The following HUNK variants were observed in gnomAD, a reference collection of about 807,000 sequenced individuals.
HUNK encodes hormonally up-regulated Neu-associated kinase, also known as hormonally up-regulated neu tumor-associated kinase.
A neutral mutation model predicts 61.0 loss-of-function variants in HUNK; 21 were observed. That is an observed-to-expected ratio of 0.34 (90% CI 0.24 to 0.50). The LOEUF is 0.50. Ranked by LOEUF, HUNK falls within the 20% of genes least tolerant of loss-of-function variation. HUNK has a pLI of 0.98. For missense variants in HUNK, 772 were observed against 945.7 expected, an observed-to-expected ratio of 0.82 and a Z score of 2.41; for synonymous variants, 371 against 386.1, an observed-to-expected ratio of 0.96 and a Z score of 0.46.
At chr21:31,875,826 C>T (rs781293757) in intron 1 of HUNK, among the ~76,000 whole-genome samples, 4 of 152,228 alleles carry the variant, frequency 2.6e-5, no homozygotes, top group Non-Finnish European at 5.9e-5. Context: ...ACATTCTTCT[C>T]GCCTGCCCTG....
intron 1 of HUNK, among the ~76,000 whole-genome samples, chr21:31,889,559 A>G (rs2052371901): frequency 6.6e-6 from 1 of 152,216 alleles, no homozygotes; most frequent in African/African-American, 2.4e-5. Context: ...ATTTAATAAT[A>G]CTAATAAAGA....
chr21:31,971,965 C>T (rs2053014779), intron 6 of HUNK, among the ~76,000 whole-genome samples: 1 of 151,914 alleles, frequency 6.6e-6, no homozygotes, highest in Non-Finnish European at 1.5e-5. Context: ...AGTAGAGGGA[C>T]TACAGGCATG....
At chr21:31,935,015 T>A (rs1403477574) in intron 2 of HUNK, among the ~76,000 whole-genome samples, 2 of 152,176 alleles carry the variant, frequency 1.3e-5, no homozygotes, top group African/African-American at 4.8e-5. Flanking sequence ...CAGTTGTCTC[T>A]CAATTTTTCT....
At chr21:31,989,307 C>G (rs1031973555) in intron 8 of HUNK, among the ~76,000 whole-genome samples, 3 of 152,162 alleles carry the variant, frequency 2.0e-5, no homozygotes, top group African/African-American at 7.2e-5. Context: ...AGGGATGAAA[C>G]ATTTAAAGGC....
At chr21:31,874,232 C>CG (rs1181371461) in intron 1 of HUNK, among the ~76,000 whole-genome samples, 3 of 144,170 alleles carry the variant, frequency 2.1e-5, no homozygotes, top group East Asian at 2.3e-4. Flanking sequence ...GACACTAGCG[C>CG]GGGGGGCGGG....
At chr21:31,928,244 GT>G (rs1281994824) in intron 2 of HUNK, among the ~76,000 whole-genome samples, 2 of 152,142 alleles carry the variant, frequency 1.3e-5, no homozygotes, top group Admixed American at 1.3e-4. Context: ...TTTTCCAAGG[GT>G]TTTGTGCTGT....
chr21:31,994,636 T>G (rs996248665), intron 9 of HUNK, among the ~76,000 whole-genome samples: 8 of 152,208 alleles, frequency 5.3e-5, no homozygotes, highest in African/African-American at 1.9e-4. Flanking sequence ...TGCTGCTGCT[T>G]CTTAGTGACA....
chr21:31,884,043 G>T (rs2123788984), intron 1 of HUNK, among the ~76,000 whole-genome samples: 1 of 152,280 alleles, frequency 6.6e-6, no homozygotes, highest in East Asian at 1.9e-4. Context: ...GGAAATCTTT[G>T]ACTCTTGCTG....
chr21:31,895,540 G>A (rs1046458800), intron 1 of HUNK, among the ~76,000 whole-genome samples: 1 of 152,164 alleles, frequency 6.6e-6, no homozygotes, highest in Non-Finnish European at 1.5e-5. Flanking sequence ...TGGTGGTTTT[G>A]GCTTTCTCTA....
At chr21:31,997,971 G>A (rs1305605034) in intron 10 of HUNK, among the ~76,000 whole-genome samples, 1 of 151,806 alleles carries the variant, frequency 6.6e-6, no homozygotes, top group Non-Finnish European at 1.5e-5. Flanking sequence ...AGGCTGCAGT[G>A]CAGTAGTGCC....
At chr21:31,993,199 C>T (rs150190778) in intron 9 of HUNK, among the ~76,000 whole-genome samples, 157 of 152,290 alleles carry the variant, frequency 1.0e-3, no homozygotes, top group African/African-American at 3.3e-3. Flanking sequence ...ACAGGCCAAC[C>T]TTGGTCTCTT....
intron 1 of HUNK, among the ~76,000 whole-genome samples, chr21:31,880,176 T>C (rs1283649848): frequency 3.3e-5 from 5 of 152,172 alleles, no homozygotes; most frequent in Non-Finnish European, 7.4e-5. Flanking sequence ...CCGTGCACAT[T>C]CTTGTTAGAT....
In HUNK at chr21:31,924,610, G is replaced by T. The variant is rs749932370; in HGVS notation, c.404G>T (p.Ser135Ile). ...CTTGATATTTTAGAAACGGAAAACA[G>T]CTACTACCTGGTCATGGAGCTGTGC... ...QLLDILETEN[S>I]YYLVMELCPG... Residue 135 changes from serine (S) to isoleucine (I), a missense_variant, in exon 2 of 11, where the codon AGC (serine) becomes ATC (isoleucine). This residue lies in a region of HUNK where 359 missense variants were observed against 501.3 expected (regional missense o/e 0.72). Coordinates refer to ENST00000270112, the MANE Select transcript of HUNK (RefSeq NM_014586.2). This position sits in a 1 kb window ranked among gnomAD's most constrained non-coding sequence, Gnocchi z 5.1. The T allele has an allele frequency of 6.2e-7, 1 of 1,614,228 alleles. No individual in the cohort carries two copies. The highest frequency in any genetic ancestry group is 8.5e-7 in the Non-Finnish European group (1 of 1,180,042).
chr21:31,970,577 T>C (rs2053002710), intron 6 of HUNK, among the ~76,000 whole-genome samples: 1 of 152,096 alleles, frequency 6.6e-6, no homozygotes, highest in African/African-American at 2.4e-5. Context: ...CAGGTATGCT[T>C]TCTGTTAAAG....
At chr21:31,928,894 C>A (rs1429473660) in intron 2 of HUNK, among the ~76,000 whole-genome samples, 1 of 152,172 alleles carries the variant, frequency 6.6e-6, no homozygotes, top group Non-Finnish European at 1.5e-5. Flanking sequence ...TTAGATTTTT[C>A]AAATGAATAA....
Position 31,897,186 on chromosome 21 carries a change from C to T in HUNK, c.261+23251C>T, listed in dbSNP as rs137915779. On this transcript the variant is annotated intron_variant, in intron 1 of 10. Coordinates refer to ENST00000270112, the MANE Select transcript of HUNK (RefSeq NM_014586.2). ...GCTTGAGCCTAGGAGGTGGAGGCTG[C>T]GGTGAGCCGAGATCACACCACTCAC... Among the ~76,000 whole-genome samples the T allele has an allele frequency of 3.0e-3, 457 of 151,906 alleles. 2 individuals are homozygous for T. Among genetic ancestry groups the T allele is most frequent in the African/African-American group, 9.9e-3 (409 of 41,412 alleles).
chr21:31,951,350 A>T (rs1231220175), intron 4 of HUNK, among the ~76,000 whole-genome samples: 1 of 152,168 alleles, frequency 6.6e-6, no homozygotes, highest in Non-Finnish European at 1.5e-5. Context: ...AATTTATAAC[A>T]ACTTTAATGC....
Position 31,968,350 on chromosome 21 carries a change from GGGCAAA to G in HUNK, c.977_982del (p.Gly326_Lys327del). 6.2e-7 allele frequency: 1 copy of G among 1,614,192 alleles called. No individual in the cohort carries two copies. The highest frequency in any genetic ancestry group is 8.5e-7 in the Non-Finnish European group (1 of 1,180,032). ...ATCGCTGGCTTAATGAGAATTACACGGGCAAAGTGCCCTGTAATGTCACCTATCCCA... is the reference window on the plus strand; with the variant it reads ...ATCGCTGGCTTAATGAGAATTACACGGTGCCCTGTAATGTCACCTATCCCA... On this transcript the variant is annotated inframe_deletion, in exon 6 of 11. Coordinates refer to ENST00000270112, the MANE Select transcript of HUNK (RefSeq NM_014586.2).
chr21:31,963,445 TTG>T (rs927573610), intron 5 of HUNK, among the ~76,000 whole-genome samples: 5 of 152,262 alleles, frequency 3.3e-5, no homozygotes, highest in Non-Finnish European at 7.3e-5. Context: ...GCCAGTTTTA[TTG>T]TGTCTCACTA....
Sources: allele counts gnomAD v4.1 joint callset (sites outside exome capture counted in the v4.1 genomes callset), GRCh38; gene constraint gnomAD v4.1.1; regional missense constraint gnomAD v4.1.1; non-coding constraint Gnocchi (gnomAD v3.1); transcripts MANE v1.5; gene names NCBI Gene and HGNC (gene_info 2026-07-23, HGNC 2026-07-21).